Variants in EPM2A observed in about 807,000 individuals in gnomAD.
EPM2A encodes laforin.
EPM2A carries 21 observed loss-of-function variants against 26.5 expected under a neutral mutation model. That is an observed-to-expected ratio of 0.79 (90% CI 0.56 to 1.14). The LOEUF (loss-of-function observed/expected upper bound fraction) is 1.14. Ranked by LOEUF, EPM2A falls within the 50% of genes most tolerant of loss-of-function variation. The probability of loss-of-function intolerance (pLI) is 0.00; values close to 1 mark genes in which losing one functional copy is unlikely to be tolerated. For synonymous variants in EPM2A, 217 were observed against 177.6 expected, an observed-to-expected ratio of 1.22 and a Z score of -1.76; for missense variants, 458 against 440.8, an observed-to-expected ratio of 1.04 and a Z score of -0.35.
At chr6:145,585,136 T>G (rs1415825714) in intron 2 of EPM2A, among the ~76,000 whole-genome samples, 6 of 152,196 alleles carry the variant, frequency 3.9e-5, no homozygotes, top group African/African-American at 1.4e-4. Flanking sequence ...TTTAAGATTT[T>G]TTTCTTTATC....
At chr6:145,459,784 A>G (rs1166768994) in intron 4 of EPM2A, among the ~76,000 whole-genome samples, 2 of 152,126 alleles carry the variant, frequency 1.3e-5, no homozygotes, top group Non-Finnish European at 2.9e-5. Context: ...CCAACTTATC[A>G]CAGATTTATT....
At chr6:145,437,309 T>C (rs377302161) in intron 4 of EPM2A, among the ~76,000 whole-genome samples, 37 of 152,168 alleles carry the variant, frequency 2.4e-4, no homozygotes, top group African/African-American at 8.4e-4. Context: ...CTCCCATTCA[T>C]GCTACCTGTT....
chr6:145,634,675 CTG>C (rs1483756168), intron 3 of EPM2A: 1 of 153,724 alleles, frequency 6.5e-6, no homozygotes, highest in East Asian at 1.9e-4. Context: ...TTGCAACACT[CTG>C]TGCTCTCTCC....
At position 145,665,454 on chromosome 6, in the gene EPM2A, A is replaced by G. The variant is rs1412512965; in HGVS notation, c.476+20668T>C. Among the ~76,000 whole-genome samples the G allele has an allele frequency of 8.7e-4, 96 of 110,670 alleles. 1 individual carries two copies. Among genetic ancestry groups the G allele is most frequent in the African/African-American group, 3.4e-3 (89 of 26,486 alleles). The allele number at this position is 110,670 out of a possible 152,430, so 72.6% of individuals were successfully genotyped here. A position where few individuals can be genotyped will look rare whatever the true frequency, so the allele number is the denominator to read the frequency against. On this transcript the variant is annotated intron_variant, in intron 2 of 3. Transcript: ENST00000367519. ...TCCTCGACACATACACTCTCCCAAG[A>G]CTAAACCAGGAAGAAGTCGAATCTC... is the stretch of plus-strand genomic sequence containing the variant.
intron 1 of EPM2A, among the ~76,000 whole-genome samples, chr6:145,723,509 C>T (rs1161887325): frequency 6.6e-6 from 1 of 151,874 alleles, no homozygotes; most frequent in Non-Finnish European, 1.5e-5. Flanking sequence ...TATTATTTTG[C>T]AAAAAATTTA....
intron 4 of EPM2A, among the ~76,000 whole-genome samples, chr6:145,436,604 CT>C (rs201004930): frequency 0.01 from 1,533 of 151,858 alleles, 24 homozygotes; most frequent in African/African-American, 0.035. Flanking sequence ...TGATGTTGAG[CT>C]TTTTTTTGTG....
intron 4 of EPM2A, among the ~76,000 whole-genome samples, chr6:145,399,477 A>C (rs1778452166): frequency 6.6e-6 from 1 of 152,212 alleles, no homozygotes; most frequent in Non-Finnish European, 1.5e-5. Context: ...GGAGTTTCTC[A>C]AGAGACTTAG....
chr6:145,486,893 T>C (rs1486999913), intron 4 of EPM2A, among the ~76,000 whole-genome samples: 23 of 152,114 alleles, frequency 1.5e-4, no homozygotes, highest in African/African-American at 4.3e-4. Context: ...AGGTTTGTTA[T>C]ATAGGTAAAC....
At chr6:145,548,744 G>A (rs1159227420) in intron 2 of EPM2A, among the ~76,000 whole-genome samples, 1 of 151,966 alleles carries the variant, frequency 6.6e-6, no homozygotes, top group Non-Finnish European at 1.5e-5. Context: ...GCCTTTAAAA[G>A]TCCTCTTTGT....
At chr6:145,491,213 T>A (rs566636509) in intron 4 of EPM2A, 2 of 421,970 alleles carry the variant, frequency 4.7e-6, no homozygotes, top group African/African-American at 4.1e-5. Context: ...GACCCCTTCA[T>A]GGGTAGGAAC....
rs1324452186 is a variant in EPM2A at position 145,598,094 on chromosome 6, T to C, written c.340+37151A>G. ...TATTCCTCTGTGTATATACAAGTAA[T>C]GGGATTGCTGGGTCTCATGGTAGTT... On this transcript the variant is annotated intron_variant, in intron 2 of 3. Coordinates refer to the EPM2A transcript ENST00000450221. 3.9e-5 allele frequency among the ~76,000 whole-genome samples: 6 copies of C among 152,302 alleles called. No individual in the cohort carries two copies. In the South Asian group the frequency reaches 1.2e-3, roughly 32 times the overall value.
At chr6:145,637,188 T>C (rs926574732) in intron 2 of EPM2A, 3 of 152,254 alleles carry the variant, frequency 2.0e-5, no homozygotes, top group Non-Finnish European at 4.4e-5. Flanking sequence ...TTACTTTGCA[T>C]TGCATTGTAA....
At chr6:145,701,071 T>C (rs1781883398) in intron 1 of EPM2A, among the ~76,000 whole-genome samples, 1 of 152,236 alleles carries the variant, frequency 6.6e-6, no homozygotes, top group African/African-American at 2.4e-5. Context: ...GAAACTAGGT[T>C]GTTTTAAATC....
chr6:145,690,239 G>A (rs572916635), intron 1 of EPM2A, among the ~76,000 whole-genome samples: 35 of 152,194 alleles, frequency 2.3e-4, no homozygotes, highest in African/African-American at 7.9e-4. Context: ...GGCCGGGCAC[G>A]GTGGCTCACG....
At chr6:145,728,409 G>C (rs1282593963) in intron 1 of EPM2A, among the ~76,000 whole-genome samples, 1 of 152,186 alleles carries the variant, frequency 6.6e-6, no homozygotes, top group Non-Finnish European at 1.5e-5. Context: ...GATATGGACA[G>C]TGAAGTCCAG....
chr6:145,562,849 T>TG (rs1293540509), intron 2 of EPM2A, among the ~76,000 whole-genome samples: 1 of 151,450 alleles, frequency 6.6e-6, no homozygotes, highest in African/African-American at 2.4e-5. Context: ...TGGAAAATGG[T>TG]GATGAGACAG....
chr6:145,514,274 C>T (rs1780094996), intron 2 of EPM2A, among the ~76,000 whole-genome samples: 2 of 152,072 alleles, frequency 1.3e-5, no homozygotes, highest in Admixed American at 1.3e-4. Context: ...CTCCATATTG[C>T]CTCTGGGTTC....
At chr6:145,413,487 C>T (rs1422856367) in intron 4 of EPM2A, among the ~76,000 whole-genome samples, 1 of 152,038 alleles carries the variant, frequency 6.6e-6, no homozygotes, top group Admixed American at 6.6e-5. Context: ...TAATAGTAGA[C>T]AAATTAGAAA....
At chr6:145,390,084 C>G (rs553785527) in intron 4 of EPM2A, among the ~76,000 whole-genome samples, 2 of 152,256 alleles carry the variant, frequency 1.3e-5, no homozygotes, top group South Asian at 4.1e-4. Context: ...TCTTAAGAAA[C>G]TGGCTCACGC....
Sources: gnomAD v4.1 joint callset for allele counts (sites outside exome capture counted in the v4.1 genomes callset) on GRCh38, gnomAD v4.1.1 for gene constraint, MANE v1.5 for transcripts, NCBI Gene and HGNC (gene_info 2026-07-23, HGNC 2026-07-21) for gene names.